Variants in PDZRN4 observed in about 807,000 individuals in gnomAD.
The protein encoded by PDZRN4 is PDZ domain containing ring finger 4, also known as PDZ domain-containing RING finger protein 4.
In PDZRN4, 70 loss-of-function variants were observed where a neutral mutation model predicts 99.0. The ratio of observed to expected loss-of-function variants is 0.71; its 90% CI spans 0.58 to 0.86. PDZRN4 has a LOEUF of 0.86. Among genes scored for constraint, PDZRN4 ranks in the 40% least tolerant of loss-of-function variants. The pLI, the probability that PDZRN4 is intolerant of heterozygous loss-of-function variation, is 0.00. For synonymous variants in PDZRN4, 551 were observed against 501.6 expected (o/e 1.10, Z -1.32); for missense variants, 1,474 against 1,331.2 (o/e 1.11, Z -1.67).
At chr12:41,322,037 T>TTTTG (rs1230104391) in intron 3 of PDZRN4, among the ~76,000 whole-genome samples, 2 of 152,072 alleles carry the variant, frequency 1.3e-5, no homozygotes, top group Non-Finnish European at 2.9e-5. Flanking sequence ...TCAATTTTTG[T>TTTTG]TTTGTTTTGT....
At chr12:41,465,969 A>G (rs1468295727) in intron 3 of PDZRN4, among the ~76,000 whole-genome samples, 4 of 152,246 alleles carry the variant, frequency 2.6e-5, no homozygotes, top group African/African-American at 9.6e-5. Context: ...GTCCAGTACC[A>G]CTGTCTGATA....
At chr12:41,521,583 C>G (rs1468269772) in intron 5 of PDZRN4, among the ~76,000 whole-genome samples, 1 of 151,948 alleles carries the variant, frequency 6.6e-6, no homozygotes, top group East Asian at 1.9e-4. Flanking sequence ...TGCATATGAA[C>G]CATAAGGAGG....
intron 3 of PDZRN4, among the ~76,000 whole-genome samples, chr12:41,327,845 T>C (rs993361776): frequency 6.6e-6 from 1 of 152,138 alleles, no homozygotes; most frequent in East Asian, 1.9e-4. Context: ...TGTGTATAAG[T>C]ATACAGCTAT....
At chr12:41,292,297 G>T (rs534502139) in intron 3 of PDZRN4, among the ~76,000 whole-genome samples, 1 of 152,280 alleles carries the variant, frequency 6.6e-6, no homozygotes, top group Non-Finnish European at 1.5e-5. Flanking sequence ...GGAGAATACC[G>T]TTCCAGATCT....
intron 3 of PDZRN4, among the ~76,000 whole-genome samples, chr12:41,204,547 C>G (rs552919550): frequency 6.6e-6 from 1 of 151,952 alleles, no homozygotes; most frequent in African/African-American, 2.4e-5. Context: ...ACAACAATGA[C>G]CAAAGGTAAA....
In PDZRN4 at chr12:41,272,208, A is replaced by G. The variant is rs147402547; in HGVS notation, c.843+78020A>G. On this transcript the variant is annotated intron_variant, in intron 3 of 9. Transcript: ENST00000402685. ...ACTAATATTTACTTTAAGAACATAA[A>G]ATTCATAAATAAATAACCTCTTCTG... Among the ~76,000 whole-genome samples, 150 of 152,218 alleles carry G rather than the reference A, an allele frequency of 9.9e-4. 3 individuals are homozygous for G. Among genetic ancestry groups the G allele is most frequent in the African/African-American group, 3.5e-3 (145 of 41,578 alleles).
intron 3 of PDZRN4, among the ~76,000 whole-genome samples, chr12:41,201,511 A>G (rs1041916323): frequency 2.0e-5 from 3 of 152,072 alleles, no homozygotes; most frequent in African/African-American, 7.2e-5. Context: ...TGAACTTACT[A>G]TCTTCAGCAT....
At chr12:41,320,038 A>G (rs1440002648) in intron 3 of PDZRN4, among the ~76,000 whole-genome samples, 1 of 152,178 alleles carries the variant, frequency 6.6e-6, no homozygotes, top group Admixed American at 6.5e-5. Flanking sequence ...TTCTGCCACC[A>G]CTGGGCCTTG....
chr12:41,458,527 T>TA (rs1403025876), intron 3 of PDZRN4, among the ~76,000 whole-genome samples: 1 of 152,206 alleles, frequency 6.6e-6, no homozygotes, highest in Non-Finnish European at 1.5e-5. Flanking sequence ...ATCAGATCTA[T>TA]GCTCAGCTAT....
chr12:41,346,867 A>G (rs1329627948), intron 3 of PDZRN4, among the ~76,000 whole-genome samples: 2 of 152,120 alleles, frequency 1.3e-5, no homozygotes, highest in African/African-American at 2.4e-5. Context: ...AGATTTGCCT[A>G]TTCTGGGCAT....
At chr12:41,379,028 G>GT (rs1336870809) in intron 3 of PDZRN4, among the ~76,000 whole-genome samples, 3 of 152,078 alleles carry the variant, frequency 2.0e-5, no homozygotes, top group African/African-American at 7.2e-5. Flanking sequence ...TTGGGAGGCT[G>GT]TTGATTACCA....
chr12:41,565,715 C>A (rs1314651325), intron 8 of PDZRN4, among the ~76,000 whole-genome samples: 2 of 152,104 alleles, frequency 1.3e-5, no homozygotes, highest in African/African-American at 4.8e-5. Flanking sequence ...CCTGTCAACT[C>A]TCTTTCATTT....
At chr12:41,377,509 A>C (rs906582253) in intron 3 of PDZRN4, among the ~76,000 whole-genome samples, 5 of 152,094 alleles carry the variant, frequency 3.3e-5, no homozygotes, top group Non-Finnish European at 4.4e-5. Context: ...TTAAAAATAC[A>C]AAAAAATTAG....
intron 5 of PDZRN4, among the ~76,000 whole-genome samples, chr12:41,524,953 A>C (rs1592096995): frequency 6.6e-6 from 1 of 152,138 alleles, no homozygotes. Context: ...TGATTGACTA[A>C]TTATGGGAAT....
intron 3 of PDZRN4, among the ~76,000 whole-genome samples, chr12:41,225,942 T>C (rs1950991281): frequency 6.6e-6 from 1 of 152,064 alleles, no homozygotes; most frequent in African/African-American, 2.4e-5. Context: ...CACACTCTTG[T>C]CTCCACTTGA....
At chr12:41,382,312 C>A (rs910363484) in intron 3 of PDZRN4, among the ~76,000 whole-genome samples, 11 of 152,118 alleles carry the variant, frequency 7.2e-5, no homozygotes, top group Non-Finnish European at 1.6e-4. Flanking sequence ...TTGGGTGAGA[C>A]CACAGGCTCT....
At chr12:41,320,249 T>A (rs1951666674) in intron 3 of PDZRN4, among the ~76,000 whole-genome samples, 1 of 152,224 alleles carries the variant, frequency 6.6e-6, no homozygotes, top group Non-Finnish European at 1.5e-5. Flanking sequence ...AGAATGCTAT[T>A]GGACTCACAG....
chr12:41,444,457 C>T (rs892083511), intron 3 of PDZRN4, among the ~76,000 whole-genome samples: 2 of 152,086 alleles, frequency 1.3e-5, no homozygotes, highest in Non-Finnish European at 2.9e-5. Flanking sequence ...GTCCCTTCCA[C>T]AAAGGGAACA....
chr12:41,356,339 T>G (rs936899775), intron 3 of PDZRN4, among the ~76,000 whole-genome samples: 1 of 152,046 alleles, frequency 6.6e-6, no homozygotes, highest in Non-Finnish European at 1.5e-5. Context: ...TTCCTCTTTT[T>G]AGATATAATT....
Sources: gnomAD v4.1 joint callset for allele counts (sites outside exome capture counted in the v4.1 genomes callset) on GRCh38, gnomAD v4.1.1 for gene constraint, MANE v1.5 for transcripts, NCBI Gene and HGNC (gene_info 2026-07-23, HGNC 2026-07-21) for gene names.